SPTSSB: variants seen among roughly 807,000 people sequenced by gnomAD.
SPTSSB encodes the protein serine palmitoyltransferase small subunit B.
SPTSSB carries 6 observed loss-of-function variants against 7.7 expected under a neutral mutation model. The ratio of observed to expected loss-of-function variants is 0.78; its 90% CI spans 0.43 to 1.54. SPTSSB has a LOEUF of 1.54. Among genes scored for constraint, SPTSSB ranks in the 40% most tolerant of loss-of-function variants. SPTSSB has a pLI of 0.01. For synonymous variants in SPTSSB, 28 were observed against 29.7 expected, an observed-to-expected ratio of 0.94 and a Z score of 0.19; for missense variants, 91 against 93.0, an observed-to-expected ratio of 0.98 and a Z score of 0.09.
intron 2 of SPTSSB, chr3:161,359,241 A>G (rs537494423): frequency 1.3e-5 from 2 of 152,244 alleles, no homozygotes; most frequent in African/African-American, 4.8e-5. Context: ...TAGTGTTTTC[A>G]TTTTACCATA....
At chr3:161,348,704 T>C (rs1194015681) in intron 2 of SPTSSB, among the ~76,000 whole-genome samples, 1 of 152,202 alleles carries the variant, frequency 6.6e-6, no homozygotes, top group Non-Finnish European at 1.5e-5. Flanking sequence ...AAAAAATTTT[T>C]TTTTTGCCAG....
chr3:161,358,657 T>G (rs1714885113), intron 2 of SPTSSB, among the ~76,000 whole-genome samples: 1 of 151,254 alleles, frequency 6.6e-6, no homozygotes, highest in African/African-American at 2.4e-5. Flanking sequence ...GCATATGACT[T>G]TTATTGGTTA....
chr3:161,357,981 A>T (rs1027457364), intron 2 of SPTSSB, among the ~76,000 whole-genome samples: 1 of 151,674 alleles, frequency 6.6e-6, no homozygotes, highest in African/African-American at 2.4e-5. Flanking sequence ...GCAAATACAG[A>T]TATCTTCCTT....
chr3:161,360,720 G>C (rs1054734360), intron 1 of SPTSSB, among the ~76,000 whole-genome samples: 2 of 152,148 alleles, frequency 1.3e-5, no homozygotes, highest in Non-Finnish European at 2.9e-5. Flanking sequence ...AGGGGGATAA[G>C]AGACTTAGCA....
chr3:161,360,040 A>C (rs1714943851), intron 1 of SPTSSB, 146 bp from the exon 2 acceptor site: 1 of 152,652 alleles, frequency 6.6e-6, no homozygotes, highest in African/African-American at 2.4e-5. Flanking sequence ...AAGGCACAAC[A>C]AGCCAGCCTT....
intron 2 of SPTSSB, among the ~76,000 whole-genome samples, chr3:161,356,657 T>G (rs140347453): frequency 6.6e-6 from 1 of 152,374 alleles, no homozygotes; most frequent in East Asian, 1.9e-4. Context: ...GCTTATTCTT[T>G]ATTTCTTATT....
intron 2 of SPTSSB, among the ~76,000 whole-genome samples, chr3:161,358,620 A>C (rs1714882819): frequency 6.6e-6 from 1 of 152,216 alleles, no homozygotes; most frequent in Non-Finnish European, 1.5e-5. Context: ...AAAGAATGAA[A>C]GAGAATGGGA....
At chr3:161,357,937 A>C (rs144616498) in intron 2 of SPTSSB, among the ~76,000 whole-genome samples, 2 of 152,332 alleles carry the variant, frequency 1.3e-5, no homozygotes, top group Non-Finnish European at 2.9e-5. Context: ...TAAGCCGCTA[A>C]ATCTGTGGTG....
At chr3:161,352,684 G>A (rs1177312989) in intron 2 of SPTSSB, among the ~76,000 whole-genome samples, 1 of 152,184 alleles carries the variant, frequency 6.6e-6, no homozygotes, top group Non-Finnish European at 1.5e-5. Flanking sequence ...ACAATGTGGG[G>A]ATCATAAAAG....
At position 161,369,304 on chromosome 3, in the gene SPTSSB, TTCTTTCTTTCTC is replaced by T. The variant is rs1285594806; in HGVS notation, c.-126+2119_-126+2130del. Reference sequence around the variant, plus strand: ...TTCTTTCTTTTCTTTCTTTCTTTCTTTCTTTCTTTCTCTTTCTTTCTTTCTTTCTTTCTTTCT... The same window carrying T: ...TTCTTTCTTTTCTTTCTTTCTTTCTTTTTCTTTCTTTCTTTCTTTCTTTCT... On this transcript the variant is annotated intron_variant, in intron 1 of 2. Coordinates refer to ENST00000620149, the MANE Select transcript of SPTSSB (RefSeq NM_001040100.2). Among the ~76,000 whole-genome samples, 3 of 68,840 alleles carry T rather than the reference TTCTTTCTTTCTC, an allele frequency of 4.4e-5. No homozygotes were observed. The South Asian group carries it at 2.0e-3, about 46-fold the overall frequency. The allele number at this position is 68,840 out of a possible 152,430, so 45.2% of individuals were successfully genotyped here. A position where few individuals can be genotyped will look rare whatever the true frequency, so the allele number is the denominator to read the frequency against.
intron 2 of SPTSSB, among the ~76,000 whole-genome samples, chr3:161,350,610 TA>T: frequency 6.6e-6 from 1 of 152,258 alleles, no homozygotes; most frequent in Admixed American, 6.5e-5. Context: ...ATGCTGTATC[TA>T]AAAAGAGACT....
chr3:161,347,584 A>G (rs1013914274), intron 2 of SPTSSB, among the ~76,000 whole-genome samples: 2 of 152,060 alleles, frequency 1.3e-5, no homozygotes, highest in African/African-American at 4.8e-5. Flanking sequence ...TTACAAATGC[A>G]CTAATTGTCG....
intron 2 of SPTSSB, among the ~76,000 whole-genome samples, chr3:161,351,290 G>T (rs12632686): frequency 0.025 from 3,767 of 152,204 alleles, 118 homozygotes; most frequent in East Asian, 0.071. Context: ...GGGTATATGG[G>T]AACTCCCTGT....
At chr3:161,370,712 T>C (rs144220585) in intron 1 of SPTSSB, among the ~76,000 whole-genome samples, 5 of 152,364 alleles carry the variant, frequency 3.3e-5, no homozygotes, top group African/African-American at 1.2e-4. Flanking sequence ...TATGTGATTG[T>C]GGACTGGGCT....
chr3:161,345,703 A>T lies in SPTSSB; in HGVS notation c.*390T>A, dbSNP rs572091008. The T allele has an allele frequency of 6.4e-6, 1 of 156,492 alleles. No homozygotes were observed. The highest frequency in any genetic ancestry group is 6.3e-5 in the Admixed American group (1 of 15,852). 9.7% of individuals were successfully genotyped at this position (156,492 alleles called of 1,614,324 possible). Reference sequence around the variant, plus strand: ...TGACAGTAGCCTATAAAGATTTTTTAAAATTTATCCTTTAGTATAGAATAA... The same window carrying T: ...TGACAGTAGCCTATAAAGATTTTTTTAAATTTATCCTTTAGTATAGAATAA... On this transcript the variant is annotated 3_prime_UTR_variant, in exon 3 of 3. Coordinates refer to ENST00000620149, the MANE Select transcript of SPTSSB (RefSeq NM_001040100.2).
intron 2 of SPTSSB, among the ~76,000 whole-genome samples, chr3:161,353,927 A>G (rs1714654781): frequency 6.6e-6 from 1 of 152,052 alleles, no homozygotes; most frequent in Admixed American, 6.5e-5. Context: ...CCAATTCCTC[A>G]TGTTGACAGC....
chr3:161,367,574 A>G (rs1715275005), intron 1 of SPTSSB, among the ~76,000 whole-genome samples: 1 of 152,364 alleles, frequency 6.6e-6, no homozygotes, highest in Admixed American at 6.5e-5. Flanking sequence ...GTACAGGATC[A>G]GGCAGCTTGT....
chr3:161,366,791 C>A (rs1400696090), intron 1 of SPTSSB, among the ~76,000 whole-genome samples: 3 of 152,054 alleles, frequency 2.0e-5, no homozygotes, highest in Non-Finnish European at 4.4e-5. Flanking sequence ...TTTTTAAAAT[C>A]TGTTGAATAA....
Position 161,347,508 on chromosome 3 carries a change from C to CGCCTCA in SPTSSB, c.-32-1159_-32-1154dup, listed in dbSNP as rs372277569. On this transcript the variant is annotated intron_variant, in intron 2 of 2. Coordinates refer to ENST00000620149, the MANE Select transcript of SPTSSB (RefSeq NM_001040100.2). ...AACTCCTGACCACAGGTGATCTGCC[C>CGCCTCA]GCCTCAGCCTCTCAAAGTGCTGGGA... Among the ~76,000 whole-genome samples, 369 of 152,150 alleles carry CGCCTCA rather than the reference C, an allele frequency of 2.4e-3. 1 individual carries two copies. Among genetic ancestry groups the CGCCTCA allele is most frequent in the African/African-American group, 8.2e-3 (342 of 41,530 alleles).
Sources: gnomAD v4.1 joint callset for allele counts (sites outside exome capture counted in the v4.1 genomes callset) on GRCh38, gnomAD v4.1.1 for gene constraint, MANE v1.5 for transcripts, NCBI Gene and HGNC (gene_info 2026-07-23, HGNC 2026-07-21) for gene names.